The following ZNF362 variants were observed in gnomAD, a reference collection of about 807,000 sequenced individuals.
The protein encoded by ZNF362 is rotund homolog.
ZNF362 carries 11 observed loss-of-function variants against 42.9 expected under a neutral mutation model. The ratio of observed to expected loss-of-function variants is 0.26; its 90% CI spans 0.16 to 0.42. The LOEUF (loss-of-function observed/expected upper bound fraction) is 0.42, where lower values mean the gene tolerates loss of function less well. ZNF362 is among the 20% of genes least tolerant of loss of function. The pLI, the probability that ZNF362 is intolerant of heterozygous loss-of-function variation, is 1.00. For synonymous variants in ZNF362, 255 were observed against 257.3 expected (o/e 0.99, Z 0.09); for missense variants, 362 against 576.2 (o/e 0.63, Z 3.81).
In ZNF362 at chr1:33,280,562, T is replaced by C. The variant is rs10914676; in HGVS notation, c.683+105T>C. The C allele has an allele frequency of 1, 1,446,017 of 1,447,732 alleles. 722,169 individuals carry two copies. The highest frequency in any genetic ancestry group is 1 in the East Asian group (39,812 of 39,812). 89.7% of individuals were successfully genotyped at this position (1,447,732 alleles called of 1,614,324 possible). On this transcript the variant is annotated intron_variant, in intron 5 of 8. Transcript: ENST00000539719. The surrounding 1 kb of genome is among the most constrained non-coding windows in gnomAD (Gnocchi z 5.6). ...GGGGCTGAAACAGGACCCTTAGGGC[T>C]GAGGGGCAGGGCTAGGGTCCAGAGG...
the ZNF362 span, among the ~76,000 whole-genome samples, chr1:33,177,036 C>T: frequency 1.3e-5 from 1 of 77,490 alleles, no homozygotes; most frequent in Non-Finnish European, 2.6e-5. The surrounding 1 kb of genome is among the most constrained non-coding windows in gnomAD (Gnocchi z 4.1). Context: ...CACACATACA[C>T]ATGCACACAC....
the ZNF362 span, among the ~76,000 whole-genome samples, chr1:33,155,792 C>T: frequency 2.0e-5 from 3 of 152,186 alleles, no homozygotes; most frequent in Non-Finnish European, 4.4e-5. Context: ...TTCTCTGCTG[C>T]CAGTCAGTTT....
chr1:33,242,433 G>A, the ZNF362 span, among the ~76,000 whole-genome samples: 1 of 151,980 alleles, frequency 6.6e-6, no homozygotes, highest in South Asian at 2.1e-4. Context: ...TTTTAAAGTG[G>A]GTTCTCTCAT....
intron 4 of ZNF362, among the ~76,000 whole-genome samples, chr1:33,279,108 T>C (rs542464215): frequency 1.3e-5 from 2 of 152,318 alleles, no homozygotes; most frequent in South Asian, 4.1e-4. Context: ...CACTGAAGCC[T>C]CGACCTCTGG....
chr1:33,257,433 T>C (rs1369694765), intron 1 of ZNF362, among the ~76,000 whole-genome samples: 2 of 151,092 alleles, frequency 1.3e-5, no homozygotes, highest in South Asian at 4.2e-4. Context: ...TTTCTTTTTT[T>C]TTTTTTTTGG....
chr1:33,191,716 G>A, the ZNF362 span, among the ~76,000 whole-genome samples: 8 of 152,080 alleles, frequency 5.3e-5, no homozygotes. Flanking sequence ...TATTGGCCAG[G>A]CTGGTCCTGA....
the ZNF362 span, among the ~76,000 whole-genome samples, chr1:33,217,129 G>A: frequency 6.6e-6 from 1 of 152,114 alleles, no homozygotes; most frequent in African/African-American, 2.4e-5. Flanking sequence ...ATGACTTCCT[G>A]GCTCAGTGCT....
Position 33,281,866 on chromosome 1 carries a change from C to T in ZNF362, c.908+55C>T. On this transcript the variant is annotated intron_variant, in intron 6 of 8. Transcript: ENST00000539719. The surrounding 1 kb of genome is among the most constrained non-coding windows in gnomAD (Gnocchi z 4.8). ...GCCCGACTCAGCTCAGCACCCGTGG[C>T]CTGGCACATGGAGCCAGTGCAAGGA... The T allele has an allele frequency of 1.3e-6, 2 of 1,584,784 alleles. No individual in the cohort carries two copies. Among genetic ancestry groups the T allele is most frequent in the Non-Finnish European group, 1.7e-6 (2 of 1,157,420 alleles).
At chr1:33,241,531 T>C in the ZNF362 span, among the ~76,000 whole-genome samples, 1 of 151,844 alleles carries the variant, frequency 6.6e-6, no homozygotes, top group African/African-American at 2.4e-5. Context: ...TAAAATTTTT[T>C]ACAAAGTTAT....
the ZNF362 span, among the ~76,000 whole-genome samples, chr1:33,247,586 G>A: frequency 6.6e-6 from 1 of 152,214 alleles, no homozygotes; most frequent in Non-Finnish European, 1.5e-5. Flanking sequence ...AATTCTCAGG[G>A]CCAACAAAAG....
chr1:33,189,829 C>T, the ZNF362 span, among the ~76,000 whole-genome samples: 11 of 150,782 alleles, frequency 7.3e-5, no homozygotes, highest in African/African-American at 2.4e-4. Flanking sequence ...GTTTCTACTG[C>T]CTGCTGAGTT....
the ZNF362 span, among the ~76,000 whole-genome samples, chr1:33,131,177 C>G: frequency 6.6e-6 from 1 of 152,206 alleles, no homozygotes; most frequent in African/African-American, 2.4e-5. Flanking sequence ...AGGGAATTCT[C>G]TTTCCTGAGT....
At chr1:33,147,139 C>T in the ZNF362 span, 5 of 1,593,886 alleles carry the variant, frequency 3.1e-6, no homozygotes, top group East Asian at 1.1e-4. The surrounding 1 kb of genome is among the most constrained non-coding windows in gnomAD (Gnocchi z 8.1). Context: ...TTGCAGGTGG[C>T]AGTGGTCCCA....
chr1:33,137,131 C>G, the ZNF362 span, among the ~76,000 whole-genome samples: 1 of 152,144 alleles, frequency 6.6e-6, no homozygotes, highest in Non-Finnish European at 1.5e-5. Flanking sequence ...GAAAACATCT[C>G]TTCTGTTTGG....
At chr1:33,135,023 A>G in the ZNF362 span, among the ~76,000 whole-genome samples, 2 of 152,290 alleles carry the variant, frequency 1.3e-5, no homozygotes, top group Non-Finnish European at 2.9e-5. Context: ...GCCGTGGCTC[A>G]TGCCTATAAT....
At chr1:33,267,295 G>C (rs1645871384) in intron 1 of ZNF362, among the ~76,000 whole-genome samples, 1 of 152,152 alleles carries the variant, frequency 6.6e-6, no homozygotes, top group Admixed American at 6.5e-5. Context: ...AGAAAACAGG[G>C]ATATGAAATA....
chr1:33,194,532 C>CA, the ZNF362 span, among the ~76,000 whole-genome samples: 73,389 of 103,686 alleles, frequency 0.71, 26,184 homozygotes, highest in Non-Finnish European at 0.73. Context: ...GACCCTGTCT[C>CA]AAAAAAAAAA....
At chr1:33,147,986 G>A in the ZNF362 span, among the ~76,000 whole-genome samples, 1 of 152,220 alleles carries the variant, frequency 6.6e-6, no homozygotes, top group Non-Finnish European at 1.5e-5. This position sits in a 1 kb window ranked among gnomAD's most constrained non-coding sequence, Gnocchi z 8.1. Flanking sequence ...GATGCCCAGG[G>A]CGGAGCACAT....
intron 6 of ZNF362, among the ~76,000 whole-genome samples, chr1:33,292,620 A>C (rs1375500748): frequency 2.0e-5 from 3 of 152,038 alleles, no homozygotes; most frequent in African/African-American, 7.2e-5. Flanking sequence ...TTTTCTATTG[A>C]TTGGAATAGT....
Sources: allele counts gnomAD v4.1 joint callset (sites outside exome capture counted in the v4.1 genomes callset), GRCh38; gene constraint gnomAD v4.1.1; non-coding constraint Gnocchi (gnomAD v3.1); transcripts MANE v1.5; gene names NCBI Gene and HGNC (gene_info 2026-07-23, HGNC 2026-07-21).